The following TMEM178B variants were observed in gnomAD, a reference collection of about 807,000 sequenced individuals.
TMEM178B encodes transmembrane protein 178B.
In TMEM178B, 5 loss-of-function variants were observed where a neutral mutation model predicts 31.0. That is an observed-to-expected ratio of 0.16 (90% CI 0.08 to 0.34). The LOEUF is 0.34. TMEM178B is among the 10% of genes least tolerant of loss of function. The pLI is 1.00. For missense variants in TMEM178B, 275 were observed against 400.3 expected (o/e 0.69, Z 2.67); for synonymous variants, 164 against 164.0 (o/e 1.00, Z 0.00).
chr7:141,437,579 C>A, intron 2 of TMEM178B, 29 bp from the exon 3 acceptor site: 1 of 1,535,092 alleles, frequency 6.5e-7, no homozygotes, highest in Admixed American at 2.0e-5. Flanking sequence ...GGCTCTGCTG[C>A]TGACTGTTGC....
At chr7:141,387,920 C>G (rs1800463315) in intron 2 of TMEM178B, among the ~76,000 whole-genome samples, 1 of 152,168 alleles carries the variant, frequency 6.6e-6, no homozygotes, top group Non-Finnish European at 1.5e-5. Context: ...CCGCAGGCAG[C>G]CCACTCCCTC....
At chr7:141,381,765 C>T (rs777612938) in intron 2 of TMEM178B, among the ~76,000 whole-genome samples, 7 of 152,174 alleles carry the variant, frequency 4.6e-5, no homozygotes, top group Non-Finnish European at 8.8e-5. Context: ...CAGATCCCCC[C>T]CTTTTGCCCA....
intron 2 of TMEM178B, among the ~76,000 whole-genome samples, chr7:141,369,114 C>A (rs774145733): frequency 1.6e-4 from 24 of 152,182 alleles, no homozygotes; most frequent in Non-Finnish European, 2.9e-4. Flanking sequence ...TCAGCCTCAA[C>A]TGGGCTTCTC....
intron 1 of TMEM178B, among the ~76,000 whole-genome samples, chr7:141,191,569 T>C (rs1013119630): frequency 2.0e-5 from 3 of 152,268 alleles, no homozygotes; most frequent in Non-Finnish European, 4.4e-5. Context: ...GCATTCAGTG[T>C]AGATTTAATC....
At chr7:141,350,586 C>G (rs184393883) in intron 2 of TMEM178B, among the ~76,000 whole-genome samples, 1 of 152,098 alleles carries the variant, frequency 6.6e-6, no homozygotes, top group Admixed American at 6.5e-5. Context: ...GCAGAAAAAG[C>G]AATATTCACA....
chr7:141,502,153 C>A, the TMEM178B span, among the ~76,000 whole-genome samples: 2 of 135,726 alleles, frequency 1.5e-5, no homozygotes, highest in African/African-American at 7.5e-5. Flanking sequence ...ACTGCCCTCC[C>A]TAATACTTAA....
Position 141,344,640 on chromosome 7 carries a change from T to C in TMEM178B, c.497-92968T>C, listed in dbSNP as rs142197747. On this transcript the variant is annotated intron_variant, in intron 2 of 3. Transcript: ENST00000565468. This position sits in a 1 kb window ranked among gnomAD's most constrained non-coding sequence, Gnocchi z 4.1. ...CCTTCCTTCCTTCCTCCCTTCCTTC[T>C]TCCCTTCATCAAAAGACCTCTCAGA... 1.3e-3 allele frequency among the ~76,000 whole-genome samples: 182 copies of C among 135,226 alleles called. 1 individual carries two copies. Among genetic ancestry groups the C allele is most frequent in the South Asian group, 0.013 (48 of 3,604 alleles). 88.7% of individuals were successfully genotyped at this position (135,226 alleles called of 152,430 possible). A position where few individuals can be genotyped will look rare whatever the true frequency, so the allele number is the denominator to read the frequency against.
At chr7:141,104,646 A>G (rs1795112780) in intron 1 of TMEM178B, among the ~76,000 whole-genome samples, 1 of 152,180 alleles carries the variant, frequency 6.6e-6, no homozygotes, top group South Asian at 2.1e-4. Flanking sequence ...CTTAAACACA[A>G]AAATGTATTT....
At chr7:141,416,219 C>G (rs914163780) in intron 2 of TMEM178B, 1 of 152,760 alleles carries the variant, frequency 6.5e-6, no homozygotes, top group Non-Finnish European at 1.5e-5. Flanking sequence ...CCAGTGAGTC[C>G]GTCCTATTCA....
At position 141,074,718 on chromosome 7, in the gene TMEM178B, G is replaced by A; in HGVS notation, c.382+26G>A. On this transcript the variant is annotated intron_variant, in intron 1 of 3. Transcript: ENST00000565468. The surrounding 1 kb of genome is among the most constrained non-coding windows in gnomAD (Gnocchi z 5.1). ...GTAAGCGCCGGGCGCAAGGCGTGGC[G>A]CTGCGGAGAGCCCGGCGCCTTTAGG... 1.4e-6 allele frequency: 2 copies of A among 1,450,760 alleles called. No individual in the cohort carries two copies. Among genetic ancestry groups the A allele is most frequent in the South Asian group, 2.8e-5 (2 of 70,352 alleles). The allele number at this position is 1,450,760 out of a possible 1,614,324, so 89.9% of individuals were successfully genotyped here. A position where few individuals can be genotyped will look rare whatever the true frequency, so the allele number is the denominator to read the frequency against.
chr7:141,416,807 G>T (rs1801106206), intron 2 of TMEM178B, among the ~76,000 whole-genome samples: 1 of 152,174 alleles, frequency 6.6e-6, no homozygotes, highest in African/African-American at 2.4e-5. Context: ...GGGGATGCTT[G>T]TCTCTTGTAG....
chr7:141,401,860 G>C (rs1800782981), intron 2 of TMEM178B, among the ~76,000 whole-genome samples: 1 of 152,106 alleles, frequency 6.6e-6, no homozygotes. Context: ...ATAGTAAATA[G>C]CAAAAATCGA....
chr7:141,173,469 G>A (rs1451400448), intron 1 of TMEM178B, among the ~76,000 whole-genome samples: 4 of 152,182 alleles, frequency 2.6e-5, no homozygotes, highest in Admixed American at 6.5e-5. Flanking sequence ...TCACTGAGGC[G>A]GGAGTATTTG....
intron 1 of TMEM178B, among the ~76,000 whole-genome samples, chr7:141,161,273 G>A (rs2129181620): frequency 6.6e-6 from 1 of 152,282 alleles, no homozygotes; most frequent in South Asian, 2.1e-4. Flanking sequence ...AGTGGCCAGG[G>A]CTATGGTGGA....
At chr7:141,468,304 T>C (rs184757040) in intron 3 of TMEM178B, among the ~76,000 whole-genome samples, 1 of 152,274 alleles carries the variant, frequency 6.6e-6, no homozygotes, top group East Asian at 1.9e-4. Flanking sequence ...GGTGTGGGGC[T>C]CAGTGATCTG....
At chr7:141,110,790 T>A (rs532027447) in intron 1 of TMEM178B, among the ~76,000 whole-genome samples, 3 of 152,160 alleles carry the variant, frequency 2.0e-5, no homozygotes, top group African/African-American at 7.2e-5. Flanking sequence ...AGGGAGTAAT[T>A]GAGATTAAAT....
At chr7:141,085,459 T>G (rs1331826444) in intron 1 of TMEM178B, among the ~76,000 whole-genome samples, 1 of 152,188 alleles carries the variant, frequency 6.6e-6, no homozygotes, top group Non-Finnish European at 1.5e-5. Flanking sequence ...AGTATCTGAA[T>G]TATTTCAATT....
chr7:141,377,244 A>C (rs1045360834), intron 2 of TMEM178B, among the ~76,000 whole-genome samples: 2 of 151,546 alleles, frequency 1.3e-5, no homozygotes, highest in African/African-American at 4.8e-5. Context: ...AGTGCAATGG[A>C]GCTATCTCGG....
chr7:141,112,725 T>G (rs979638629), intron 1 of TMEM178B, among the ~76,000 whole-genome samples: 2 of 152,188 alleles, frequency 1.3e-5, no homozygotes, highest in Non-Finnish European at 2.9e-5. Flanking sequence ...GTATTGCTGA[T>G]CACAGCAAAG....
Sources: allele counts gnomAD v4.1 joint callset (sites outside exome capture counted in the v4.1 genomes callset), GRCh38; gene constraint gnomAD v4.1.1; non-coding constraint Gnocchi (gnomAD v3.1); transcripts MANE v1.5; gene names NCBI Gene and HGNC (gene_info 2026-07-23, HGNC 2026-07-21).